TMCC3: variants seen among roughly 807,000 people sequenced by gnomAD.
TMCC3 encodes transmembrane and coiled-coil domain family 3.
A neutral mutation model predicts 40.2 loss-of-function variants in TMCC3; 28 were observed. The ratio of observed to expected loss-of-function variants is 0.70; its 90% CI spans 0.52 to 0.95. The LOEUF is 0.95. Among genes scored for constraint, TMCC3 ranks in the 40% least tolerant of loss-of-function variants. The pLI, the probability that TMCC3 is intolerant of heterozygous loss-of-function variation, is 0.00. For missense variants in TMCC3, 554 were observed against 615.2 expected (o/e 0.90, Z 1.05); for synonymous variants, 255 against 248.5 (o/e 1.03, Z -0.25).
intron 1 of TMCC3, among the ~76,000 whole-genome samples, chr12:94,588,172 C>G (rs74879321): frequency 1.3e-5 from 2 of 152,154 alleles, no homozygotes; most frequent in Admixed American, 6.5e-5. Flanking sequence ...ACCACCAGTG[C>G]GGCTTGGACA....
chr12:94,603,890 C>A (rs1456824218), intron 1 of TMCC3, among the ~76,000 whole-genome samples: 2 of 147,002 alleles, frequency 1.4e-5, no homozygotes, highest in African/African-American at 5.1e-5. Context: ...TAAATGTTAA[C>A]ATACAGTATT....
chr12:94,591,075 C>G (rs2068672042), intron 1 of TMCC3: 1 of 509,632 alleles, frequency 2.0e-6, no homozygotes, highest in South Asian at 1.5e-5. Flanking sequence ...TTCCAATGCT[C>G]TTTGTCCTGG....
At chr12:94,638,335 C>T (rs1161790922) in intron 1 of TMCC3, among the ~76,000 whole-genome samples, 1 of 152,174 alleles carries the variant, frequency 6.6e-6, no homozygotes, top group African/African-American at 2.4e-5. Flanking sequence ...ATGAGGACAG[C>T]ATGAGGTCCT....
In TMCC3 at chr12:94,609,209, CAG is replaced by C. The variant is rs199562692; in HGVS notation, c.79-26673_79-26672del. Among the ~76,000 whole-genome samples the C allele has an allele frequency of 2.3e-4, 35 of 152,200 alleles. No individual in the cohort carries two copies. The East Asian group carries it at 6.6e-3, about 29-fold the overall frequency. ...CACCACTACACACCAGCCTGGGTGA[CAG>C]AGTGAGACTGTTGTCTCCAAAATTA... is the stretch of plus-strand genomic sequence containing the variant. On this transcript the variant is annotated intron_variant, in intron 1 of 3. Coordinates refer to ENST00000261226, the MANE Select transcript of TMCC3 (RefSeq NM_020698.4).
At chr12:94,592,811 T>A (rs545294583) in intron 1 of TMCC3, among the ~76,000 whole-genome samples, 1 of 152,042 alleles carries the variant, frequency 6.6e-6, no homozygotes, top group African/African-American at 2.4e-5. Flanking sequence ...AAATTAATAG[T>A]GTAAAGGAGA....
In TMCC3 at chr12:94,571,172, G is replaced by C; in HGVS notation, c.*263C>G. 2.0e-6 allele frequency: 1 copy of C among 488,888 alleles called. No individual in the cohort carries two copies. Among genetic ancestry groups the C allele is most frequent in the South Asian group, 2.4e-5 (1 of 41,482 alleles). 30.3% of individuals were successfully genotyped at this position (488,888 alleles called of 1,614,324 possible). On this transcript the variant is annotated 3_prime_UTR_variant, in exon 4 of 4. Transcript: ENST00000261226. ...AATATACAGAGGTTTACCACGCTGG[G>C]CTGGTCAGGTGGGCAGGAAATCGGT...
chr12:94,582,810 G>A (rs1365199254), intron 1 of TMCC3, among the ~76,000 whole-genome samples: 1 of 152,042 alleles, frequency 6.6e-6, no homozygotes. Flanking sequence ...GGCTCCCAGG[G>A]TAGAAAACGC....
At chr12:94,606,233 G>A (rs1184843512) in intron 1 of TMCC3, among the ~76,000 whole-genome samples, 2 of 152,178 alleles carry the variant, frequency 1.3e-5, no homozygotes, top group Non-Finnish European at 2.9e-5. Flanking sequence ...TACTGCCTGT[G>A]TGCAGAAGTA....
intron 1 of TMCC3, among the ~76,000 whole-genome samples, chr12:94,614,109 A>AC (rs1326487286): frequency 1.3e-5 from 2 of 151,610 alleles, no homozygotes; most frequent in African/African-American, 4.8e-5. Context: ...AAAAAAAAAA[A>AC]AAAAAAACTA....
chr12:94,649,320 A>G (rs1164941822), intron 1 of TMCC3, among the ~76,000 whole-genome samples: 1 of 152,178 alleles, frequency 6.6e-6, no homozygotes, highest in East Asian at 1.9e-4. Flanking sequence ...TATTGCTACT[A>G]TTTCCATCCA....
intron 1 of TMCC3, among the ~76,000 whole-genome samples, chr12:94,619,867 G>C (rs573336924): frequency 6.6e-6 from 1 of 152,262 alleles, no homozygotes; most frequent in South Asian, 2.1e-4. Context: ...AGACACATAA[G>C]AAACATAACA....
chr12:94,577,919 G>C (rs2138820446), intron 3 of TMCC3, among the ~76,000 whole-genome samples: 1 of 151,960 alleles, frequency 6.6e-6, no homozygotes, highest in East Asian at 1.9e-4. Flanking sequence ...GGCTAAGGTG[G>C]GCAGATCACT....
At chr12:94,607,065 C>A (rs1281526468) in intron 1 of TMCC3, among the ~76,000 whole-genome samples, 3 of 152,174 alleles carry the variant, frequency 2.0e-5, no homozygotes, top group East Asian at 1.9e-4. Context: ...GACCTCCCCC[C>A]AGGAATGCAT....
chr12:94,597,124 C>CATATATATATATATATAT (rs869220054), intron 1 of TMCC3, among the ~76,000 whole-genome samples: 32 of 29,788 alleles, frequency 1.1e-3, no homozygotes, highest in African/African-American at 2.1e-3. Flanking sequence ...TATTAAAATA[C>CATATATATATATATATAT]ATATATATAT....
rs1178986394 is a variant in TMCC3, at chr12:94,572,330, A to ATTTTTT, written c.1132-594_1132-593insAAAAAA. ...TCTTTTTTTTTTTTTTTTTTTTTTGAGACAGAGTTTCACTCTGTCACCCAG... is the reference window on the plus strand; with the variant it reads ...TCTTTTTTTTTTTTTTTTTTTTTTGATTTTTTGACAGAGTTTCACTCTGTCACCCAG... On this transcript the variant is annotated intron_variant, in intron 3 of 3. Transcript: ENST00000261226. 6.2e-3 allele frequency among the ~76,000 whole-genome samples: 516 copies of ATTTTTT among 82,866 alleles called. 52 individuals are homozygous for ATTTTTT. The highest frequency in any genetic ancestry group is 0.017 in the African/African-American group (291 of 16,638). The allele number at this position is 82,866 out of a possible 152,430, so 54.4% of individuals were successfully genotyped here. A position where few individuals can be genotyped will look rare whatever the true frequency, so the allele number is the denominator to read the frequency against.
intron 1 of TMCC3, among the ~76,000 whole-genome samples, chr12:94,635,733 G>A (rs898677466): frequency 5.7e-5 from 8 of 140,352 alleles, no homozygotes; most frequent in African/African-American, 7.9e-5. Flanking sequence ...GCAGTGGCAC[G>A]ATCTTGGCTC....
Position 94,585,580 on chromosome 12 carries a change from C to G in TMCC3, c.79-3042G>C, listed in dbSNP as rs1412953134. Among the ~76,000 whole-genome samples, 11 of 151,996 alleles carry G rather than the reference C, an allele frequency of 7.2e-5. No individual in the cohort carries two copies. In the South Asian group the frequency reaches 2.3e-3, roughly 32 times the overall value. On this transcript the variant is annotated intron_variant, in intron 1 of 3. Coordinates refer to ENST00000261226, the MANE Select transcript of TMCC3 (RefSeq NM_020698.4). The stretch of plus-strand genomic sequence containing the variant: ...GGCATGGTGGCACGTGCCTGTAGTC[C>G]CAGCTACCCGGGAGGCTGAGGCAGG...
At position 94,571,088 on chromosome 12, in the gene TMCC3, T is replaced by C; in HGVS notation, c.*347A>G. ...CATTAGCAATTGTGAAGCTCAATTC[T>C]GACAGAGACTTAGGAGAGAGACCTC... On this transcript the variant is annotated 3_prime_UTR_variant, in exon 4 of 4. Coordinates refer to ENST00000261226, the MANE Select transcript of TMCC3 (RefSeq NM_020698.4). The C allele has an allele frequency of 4.0e-6, 1 of 248,902 alleles. No homozygotes were observed. The highest frequency in any genetic ancestry group is 5.0e-5 in the Admixed American group (1 of 19,936). 15.4% of individuals were successfully genotyped at this position (248,902 alleles called of 1,614,324 possible).
chr12:94,580,734 T>TCAAACAAA (rs113927274), intron 2 of TMCC3, among the ~76,000 whole-genome samples: 11 of 151,924 alleles, frequency 7.2e-5, no homozygotes, highest in African/African-American at 2.2e-4. Context: ...AAACTCCATC[T>TCAAACAAA]CAAACAAACA....
Sources: allele counts gnomAD v4.1 joint callset (sites outside exome capture counted in the v4.1 genomes callset), GRCh38; gene constraint gnomAD v4.1.1; transcripts MANE v1.5; gene names NCBI Gene and HGNC (gene_info 2026-07-23, HGNC 2026-07-21).